SZT2: variants seen among roughly 807,000 people sequenced by gnomAD.
SZT2 encodes the protein SZT2 subunit of KICSTOR complex.
SZT2 carries 216 observed loss-of-function variants against 404.2 expected under a neutral mutation model. The ratio of observed to expected loss-of-function variants is 0.53; its 90% CI spans 0.48 to 0.60. SZT2 has a LOEUF of 0.60. Among genes scored for constraint, SZT2 ranks in the 20% least tolerant of loss-of-function variants. The pLI is 0.00. For synonymous variants in SZT2, 1,693 were observed against 1,749.9 expected (o/e 0.97, Z 0.81); for missense variants, 3,857 against 4,459.2 (o/e 0.86, Z 3.85).
In SZT2 at chr1:43,420,737, C is replaced by T. The variant is rs1308089528; in HGVS notation, c.1262-12C>T. 6.3e-7 allele frequency: 1 copy of T among 1,597,710 alleles called. No homozygotes were observed. On this transcript the variant is annotated splice_polypyrimidine_tract_variant and intron_variant, in intron 9 of 71. Transcript: ENST00000634258. This position sits in a 1 kb window ranked among gnomAD's most constrained non-coding sequence, Gnocchi z 5.1. ...TGCCTTCTCCTAACTGGCCCTTCCGCTTCTCCCTAAGGAGGGTCCCAATTG... is the reference window on the plus strand; with the variant it reads ...TGCCTTCTCCTAACTGGCCCTTCCGTTTCTCCCTAAGGAGGGTCCCAATTG...
chr1:43,420,008 G>A lies in SZT2; in HGVS notation c.1090+64G>A. ...TATAGAATGGGCCCAGAGATGATGGGGCCCTGGAGGACTGAAAGTGTAACT... is the reference window on the plus strand; with the variant it reads ...TATAGAATGGGCCCAGAGATGATGGAGCCCTGGAGGACTGAAAGTGTAACT... On this transcript the variant is annotated intron_variant, in intron 8 of 71. Transcript: ENST00000634258. This position sits in a 1 kb window ranked among gnomAD's most constrained non-coding sequence, Gnocchi z 5.1. The A allele has an allele frequency of 6.3e-7, 1 of 1,581,288 alleles. No individual in the cohort carries two copies. The highest frequency in any genetic ancestry group is 1.1e-5 in the South Asian group (1 of 89,862).
At chr1:43,438,594 C>A in intron 46 of SZT2, 105 bp from the exon 47 acceptor site, 1 of 1,072,990 alleles carries the variant, frequency 9.3e-7, no homozygotes, top group Non-Finnish European at 1.4e-6. Flanking sequence ...CCTAACACTG[C>A]CTCTAGTATA....
At chr1:43,422,662 G>GCCCCCCCCCCCCCCCCCCCCCCCT in intron 13 of SZT2, 30 bp downstream of exon 13, 1 of 1,231,816 alleles carries the variant, frequency 8.1e-7, no homozygotes, top group Non-Finnish European at 1.0e-6. Flanking sequence ...TTCACCCCCC[G>GCCCCCCCCCCCCCCCCCCCCCCCT]CCCCCCCACC....
intron 70 of SZT2, 160 bp from the exon 71 acceptor site, chr1:43,449,943 A>G: frequency 1.3e-6 from 1 of 797,916 alleles, no homozygotes; most frequent in Non-Finnish European, 2.1e-6. Context: ...GAGGATGAGG[A>G]CTGAGGCTCA....
rs765781424 is a variant in SZT2 at position 43,430,030 on chromosome 1, G to T, written c.4328G>T (p.Ser1443Ile). ...SVIQEKFLEI[S>I]RLHFRTVPSN... ...CAACAGGAGAAGTTCCTAGAGATCA[G>T]TCGTCTCCACTTCCGCACAGTGCCT... Residue 1443 changes from serine to isoleucine, a missense_variant, in exon 30 of 72, where the codon AGT (serine) becomes ATT (isoleucine). Coordinates refer to ENST00000634258, the MANE Select transcript of SZT2 (RefSeq NM_001365999.1). The T allele has an allele frequency of 1.2e-6, 2 of 1,614,178 alleles. No individual in the cohort carries two copies. Among genetic ancestry groups the T allele is most frequent in the Non-Finnish European group, 1.7e-6 (2 of 1,180,030 alleles).
chr1:43,438,077 C>T, intron 46 of SZT2, 175 bp downstream of exon 46: 6 of 637,792 alleles, frequency 9.4e-6, no homozygotes, highest in Non-Finnish European at 1.6e-5. Context: ...CCCTCTGGGA[C>T]TTCTCTTAGA....
intron 66 of SZT2, 150 bp downstream of exon 66, chr1:43,447,318 C>T (rs766860419): frequency 1.2e-4 from 135 of 1,124,036 alleles, no homozygotes; most frequent in Admixed American, 5.3e-4. Flanking sequence ...TGTTTCTGTC[C>T]TGTGTCTGTT....
intron 1 of SZT2, 141 bp downstream of exon 1, chr1:43,390,136 C>T (rs1004636097): frequency 2.0e-6 from 2 of 995,960 alleles, no homozygotes; most frequent in Non-Finnish European, 2.7e-6. Flanking sequence ...CCCGGAAGGC[C>T]CGACTATGGT....
chr1:43,450,776 C>T lies in SZT2; in HGVS notation c.*296C>T, dbSNP rs1299856408. 9.9e-6 allele frequency: 7 copies of T among 706,358 alleles called. No individual in the cohort carries two copies. The highest frequency in any genetic ancestry group is 3.4e-5 in the African/African-American group (2 of 58,016). 43.8% of individuals were successfully genotyped at this position (706,358 alleles called of 1,614,324 possible). ...CCTTTCGGCCCCCCTGGTAGAGTCT[C>T]GGGAGTTCACACAGGGTGGCAAACA... is the stretch of plus-strand genomic sequence containing the variant. On this transcript the variant is annotated 3_prime_UTR_variant, in exon 72 of 72. Coordinates refer to ENST00000634258, the MANE Select transcript of SZT2 (RefSeq NM_001365999.1). The surrounding 1 kb of genome is among the most constrained non-coding windows in gnomAD (Gnocchi z 4.3).
rs1441872074 is a variant in SZT2 at position 43,430,713 on chromosome 1, C to T, written c.4698C>T (p.Phe1566=). 14 of 1,613,764 alleles carry T rather than the reference C, an allele frequency of 8.7e-6. No individual in the cohort carries two copies. The highest frequency in any genetic ancestry group is 1.0e-5 in the Non-Finnish European group (12 of 1,180,040). ...ESFLHDLPPL[F]LHLTCSVRLR... is the part of the protein sequence containing the mutation. ...TCCTTCATGACCTGCCACCGCTCTTCCTGCACCTCACGTGCTCCGTGCGGC... is the reference window on the plus strand; with the variant it reads ...TCCTTCATGACCTGCCACCGCTCTTTCTGCACCTCACGTGCTCCGTGCGGC... The change falls in exon 32 of 72, where the codon TTC becomes TTT. Residue 1566 remains phenylalanine, a synonymous_variant. Coordinates refer to ENST00000634258, the MANE Select transcript of SZT2 (RefSeq NM_001365999.1).
At position 43,416,660 on chromosome 1, in the gene SZT2, G is replaced by C; in HGVS notation, c.879+19G>C. On this transcript the variant is annotated intron_variant, in intron 7 of 71. Coordinates refer to ENST00000634258, the MANE Select transcript of SZT2 (RefSeq NM_001365999.1). ...TGTCCAGGTGAGGACTTTTTAGGAA[G>C]GACGAGAGAGATATGGAATATCTCA... 1 of 1,571,892 alleles carries C rather than the reference G, an allele frequency of 6.4e-7. No individual in the cohort carries two copies. The highest frequency in any genetic ancestry group is 8.6e-7 in the Non-Finnish European group (1 of 1,160,102).
intron 62 of SZT2, 178 bp from the exon 63 acceptor site, chr1:43,445,716 C>G (rs1655581711): frequency 1.5e-6 from 1 of 667,184 alleles, no homozygotes; most frequent in Non-Finnish European, 2.7e-6. Flanking sequence ...TGGAGAGAGC[C>G]CAGCCTTGCA....
intron 5 of SZT2, among the ~76,000 whole-genome samples, chr1:43,415,729 C>T (rs1046730824): frequency 6.6e-6 from 1 of 152,222 alleles, no homozygotes; most frequent in Non-Finnish European, 1.5e-5. Flanking sequence ...TACTTCAGTA[C>T]AGTCTGAAGC....
At chr1:43,403,847 A>T in intron 3 of SZT2, 73 bp downstream of exon 3, 1 of 1,541,028 alleles carries the variant, frequency 6.5e-7, no homozygotes, top group South Asian at 1.1e-5. Flanking sequence ...GCCTGTGGGG[A>T]AGTGAAAAAT....
intron 1 of SZT2, among the ~76,000 whole-genome samples, chr1:43,395,175 C>G (rs928138576): frequency 1.3e-5 from 2 of 152,208 alleles, no homozygotes; most frequent in African/African-American, 4.8e-5. Flanking sequence ...AGTCTGTGCC[C>G]TCTGTCTCGT....
At position 43,413,025 on chromosome 1, in the gene SZT2, G is replaced by A. The variant is rs139051594; in HGVS notation, c.499-2057G>A. ...CAGGCAATAACATGCTGGTGAGGATGTGGAGAAAAGGTAACGTTGTGCACT... is the reference window on the plus strand; with the variant it reads ...CAGGCAATAACATGCTGGTGAGGATATGGAGAAAAGGTAACGTTGTGCACT... On this transcript the variant is annotated intron_variant, in intron 4 of 71. Transcript: ENST00000634258. 5.4e-3 allele frequency among the ~76,000 whole-genome samples: 829 copies of A among 152,350 alleles called. 6 individuals carry two copies. The highest frequency in any genetic ancestry group is 7.8e-3 in the Non-Finnish European group (533 of 68,032).
At chr1:43,397,655 G>A (rs1649166997) in intron 1 of SZT2, among the ~76,000 whole-genome samples, 1 of 151,750 alleles carries the variant, frequency 6.6e-6, no homozygotes, top group African/African-American at 2.4e-5. Flanking sequence ...GGTCCCCTAA[G>A]TAGCTGGGAC....
chr1:43,433,875 T>C (rs1654189161), intron 40 of SZT2, among the ~76,000 whole-genome samples: 1 of 152,250 alleles, frequency 6.6e-6, no homozygotes, highest in Non-Finnish European at 1.5e-5. Context: ...TTTATCTACA[T>C]AACCCTACGG....
rs2153938909 is a variant in SZT2 at position 43,453,636 on chromosome 1, CG to C, written c.*3157del. 6.7e-7 allele frequency: 1 copy of C among 1,491,624 alleles called. No individual in the cohort carries two copies. Among genetic ancestry groups the C allele is most frequent in the African/African-American group, 1.5e-5 (1 of 68,260 alleles). The allele number at this position is 1,491,624 out of a possible 1,614,324, so 92.4% of individuals were successfully genotyped here. On this transcript the variant is annotated 3_prime_UTR_variant, in exon 72 of 72. Coordinates refer to ENST00000634258, the MANE Select transcript of SZT2 (RefSeq NM_001365999.1). ...CAGTACAAGCCGCAGCCCCGCTTCT[CG>C]CGCGGCGCGCGCCAGCGCCTCAGGC...
Sources: gnomAD v4.1 joint callset for allele counts (sites outside exome capture counted in the v4.1 genomes callset) on GRCh38, gnomAD v4.1.1 for gene constraint, Gnocchi (gnomAD v3.1) non-coding constraint, MANE v1.5 for transcripts, NCBI Gene and HGNC (gene_info 2026-07-23, HGNC 2026-07-21) for gene names.